Variants in WWOX observed in about 807,000 individuals in gnomAD.
The protein encoded by WWOX is WW domain-containing oxidoreductase.
WWOX carries 69 observed loss-of-function variants against 46.2 expected under a neutral mutation model. The observed-to-expected ratio is 1.49, with a 90% CI of 1.23 to 1.82. The LOEUF (loss-of-function observed/expected upper bound fraction) is 1.82. WWOX is among the 40% of genes most tolerant of loss of function. The pLI, the probability that WWOX is intolerant of heterozygous loss-of-function variation, is 0.00. For missense variants in WWOX, 919 were observed against 542.6 expected, an observed-to-expected ratio of 1.69 and a Z score of -6.89; for synonymous variants, 359 against 202.6, an observed-to-expected ratio of 1.77 and a Z score of -6.56.
At chr16:79,092,983 C>T (rs9923116) in intron 8 of WWOX, among the ~76,000 whole-genome samples, 159 of 152,170 alleles carry the variant, frequency 1.0e-3, no homozygotes, top group African/African-American at 3.3e-3. Context: ...CAAAAGTAAT[C>T]GCGGTTTTCA....
chr16:78,458,375 C>A (rs2083875512), intron 8 of WWOX, among the ~76,000 whole-genome samples: 1 of 151,476 alleles, frequency 6.6e-6, no homozygotes, highest in South Asian at 2.1e-4. Flanking sequence ...ATCCTCTGGC[C>A]TCAGCCTCCC....
chr16:78,438,975 G>T (rs935208929), intron 8 of WWOX, among the ~76,000 whole-genome samples: 3 of 152,138 alleles, frequency 2.0e-5, no homozygotes, highest in African/African-American at 7.2e-5. Flanking sequence ...AATTTAAAAC[G>T]TAATGAAGGA....
intron 3 of WWOX, among the ~76,000 whole-genome samples, chr16:78,110,829 C>T (rs2032449534): frequency 6.6e-6 from 1 of 152,132 alleles, no homozygotes. Context: ...GATCCCACAG[C>T]AAAGAAGTAG....
intron 8 of WWOX, among the ~76,000 whole-genome samples, chr16:79,160,534 G>A (rs1439017587): frequency 6.6e-6 from 1 of 152,198 alleles, no homozygotes; most frequent in Non-Finnish European, 1.5e-5. Flanking sequence ...TAACCTACTT[G>A]AAAGTGTCAT....
Position 78,329,955 on chromosome 16 carries a change from A to G in WWOX, c.517-56905A>G, listed in dbSNP as rs139160871. On this transcript the variant is annotated intron_variant, in intron 5 of 8. Transcript: ENST00000566780. Reference sequence around the variant, plus strand: ...GAGACAAGTTCTTGCTATGTTGCCCACAGTAACATAGTAAGTCTCAAATTC... The same window carrying G: ...GAGACAAGTTCTTGCTATGTTGCCCGCAGTAACATAGTAAGTCTCAAATTC... Among the ~76,000 whole-genome samples, 1,272 of 152,084 alleles carry G rather than the reference A, an allele frequency of 8.4e-3. 10 individuals are homozygous for G. The highest frequency in any genetic ancestry group is 0.012 in the Non-Finnish European group (820 of 67,968).
At chr16:78,920,762 C>G (rs938517950) in intron 8 of WWOX, among the ~76,000 whole-genome samples, 1 of 152,138 alleles carries the variant, frequency 6.6e-6, no homozygotes, top group Non-Finnish European at 1.5e-5. Context: ...CTGCAAAACA[C>G]GACTTTTCTC....
chr16:79,175,762 T>C (rs1356565205), intron 8 of WWOX, among the ~76,000 whole-genome samples: 3 of 152,210 alleles, frequency 2.0e-5, no homozygotes, highest in Non-Finnish European at 4.4e-5. Flanking sequence ...TCATACGACT[T>C]ACACATTCCC....
intron 5 of WWOX, among the ~76,000 whole-genome samples, chr16:78,250,595 G>A (rs2037958539): frequency 1.3e-5 from 2 of 152,136 alleles, no homozygotes; most frequent in Admixed American, 1.3e-4. Context: ...AAAGGCACCA[G>A]GTTCAAGAGC....
At chr16:79,044,147 A>G (rs906091789) in intron 8 of WWOX, among the ~76,000 whole-genome samples, 36 of 152,224 alleles carry the variant, frequency 2.4e-4, no homozygotes, top group African/African-American at 7.5e-4. Context: ...TGGGAATCCC[A>G]AACAGCAAAT....
chr16:78,850,897 G>A (rs1002385157), intron 8 of WWOX, among the ~76,000 whole-genome samples: 2 of 152,168 alleles, frequency 1.3e-5, no homozygotes, highest in African/African-American at 4.8e-5. Flanking sequence ...AGATTTCTGT[G>A]ATCACTTATT....
chr16:79,136,033 GCAA>G (rs2049975355), intron 8 of WWOX, among the ~76,000 whole-genome samples: 1 of 152,044 alleles, frequency 6.6e-6, no homozygotes, highest in Non-Finnish European at 1.5e-5. Context: ...TTCCTGTGCA[GCAA>G]TTTTAACTTT....
At chr16:78,515,339 A>G (rs569451778) in intron 8 of WWOX, among the ~76,000 whole-genome samples, 1 of 152,296 alleles carries the variant, frequency 6.6e-6, no homozygotes, top group East Asian at 1.9e-4. Context: ...GAGGGAATTG[A>G]AGATGTAATT....
chr16:78,568,403 C>G (rs760769827), intron 8 of WWOX, among the ~76,000 whole-genome samples: 1 of 151,498 alleles, frequency 6.6e-6, no homozygotes, highest in African/African-American at 2.4e-5. Context: ...GAGTTATTAC[C>G]AAGAAATTGC....
intron 8 of WWOX, among the ~76,000 whole-genome samples, chr16:78,484,536 A>G (rs1249403465): frequency 6.6e-6 from 1 of 152,252 alleles, no homozygotes; most frequent in Non-Finnish European, 1.5e-5. Context: ...TGTTATCCAC[A>G]ATTGACTTAT....
At chr16:78,212,615 A>G (rs540698088) in intron 5 of WWOX, among the ~76,000 whole-genome samples, 1 of 152,320 alleles carries the variant, frequency 6.6e-6, no homozygotes, top group South Asian at 2.1e-4. Flanking sequence ...TTCTTGTTCT[A>G]CAAATCTGAA....
intron 8 of WWOX, among the ~76,000 whole-genome samples, chr16:78,616,122 C>A (rs1399493834): frequency 6.6e-6 from 1 of 152,090 alleles, no homozygotes; most frequent in Non-Finnish European, 1.5e-5. Context: ...TACCCTGTGT[C>A]TTTGGCCTGG....
intron 8 of WWOX, among the ~76,000 whole-genome samples, chr16:78,752,180 C>A (rs184929373): frequency 6.6e-6 from 1 of 152,210 alleles, no homozygotes; most frequent in Non-Finnish European, 1.5e-5. Context: ...TCGATGCGTA[C>A]TGAAAATATA....
At chr16:78,518,421 A>T (rs563316343) in intron 8 of WWOX, among the ~76,000 whole-genome samples, 1 of 152,036 alleles carries the variant, frequency 6.6e-6, no homozygotes, top group Non-Finnish European at 1.5e-5. Flanking sequence ...GGATTTCACC[A>T]TGTTGGCCAG....
intron 1 of WWOX, among the ~76,000 whole-genome samples, chr16:78,104,231 A>AACACACAC (rs376622174): frequency 0.051 from 6,631 of 130,098 alleles, 213 homozygotes; most frequent in South Asian, 0.066. Flanking sequence ...CTGTGCTCAA[A>AACACACAC]ACACACACAC....
Sources: gnomAD v4.1 joint callset for allele counts (sites outside exome capture counted in the v4.1 genomes callset) on GRCh38, gnomAD v4.1.1 for gene constraint, MANE v1.5 for transcripts, NCBI Gene and HGNC (gene_info 2026-07-23, HGNC 2026-07-21) for gene names.